The following PCDH15 variants were observed in gnomAD, a reference collection of about 807,000 sequenced individuals.
PCDH15 encodes protocadherin related 15.
A neutral mutation model predicts 178.5 loss-of-function variants in PCDH15; 129 were observed. That is an observed-to-expected ratio of 0.72 (90% CI 0.63 to 0.84). The LOEUF (loss-of-function observed/expected upper bound fraction) is 0.84. Ranked by LOEUF, PCDH15 falls within the 40% of genes least tolerant of loss-of-function variation. The probability of loss-of-function intolerance (pLI) is 0.00; values close to 1 mark genes in which losing one functional copy is unlikely to be tolerated. For synonymous variants in PCDH15, 800 were observed against 732.0 expected (o/e 1.09, Z -1.50); for missense variants, 2,230 against 2,099.9 (o/e 1.06, Z -1.21).
intron 8 of PCDH15, among the ~76,000 whole-genome samples, chr10:54,241,387 G>A (rs989938177): frequency 2.0e-5 from 3 of 152,186 alleles, no homozygotes; most frequent in Non-Finnish European, 2.9e-5. Context: ...GTATCAAAAT[G>A]TTCCTCTATT....
chr10:53,893,552 C>T (rs1437343511), intron 26 of PCDH15, among the ~76,000 whole-genome samples: 7 of 152,138 alleles, frequency 4.6e-5, no homozygotes, highest in African/African-American at 1.7e-4. Flanking sequence ...GCCTAAATGC[C>T]CATCAACCAA....
At chr10:54,100,089 C>G (rs1405821183) in intron 15 of PCDH15, among the ~76,000 whole-genome samples, 2 of 152,042 alleles carry the variant, frequency 1.3e-5, no homozygotes, top group Non-Finnish European at 2.9e-5. Flanking sequence ...GCTCAGTGGT[C>G]GGGCATGGTG....
chr10:55,526,656 C>A (rs993728424), intron 2 of PCDH15, among the ~76,000 whole-genome samples: 1 of 152,030 alleles, frequency 6.6e-6, no homozygotes, highest in Non-Finnish European at 1.5e-5. Flanking sequence ...GATTTGGGGT[C>A]TTTGACAGAC....
chr10:54,933,656 C>G (rs981750877), intron 2 of PCDH15, among the ~76,000 whole-genome samples: 2 of 151,988 alleles, frequency 1.3e-5, no homozygotes, highest in Non-Finnish European at 2.9e-5. Context: ...CATTTCCCAC[C>G]AAGAAAACCT....
chr10:54,888,279 G>T (rs1019876411), intron 3 of PCDH15, among the ~76,000 whole-genome samples: 1 of 151,926 alleles, frequency 6.6e-6, no homozygotes, highest in African/African-American at 2.4e-5. Context: ...ATATTTGTGG[G>T]CTCATAGAGC....
In PCDH15 at chr10:55,063,897, C is replaced by A. The variant is rs573640776; in HGVS notation, c.-80+102679G>T. ...ACTAGTAGAAAGTATGCTGTTTATC[C>A]TGTGATAAAGGCTGTTGGCTTGAAT... On this transcript the variant is annotated intron_variant, in intron 2 of 5. Transcript: ENST00000458638. 2.0e-5 allele frequency among the ~76,000 whole-genome samples: 3 copies of A among 152,176 alleles called. No homozygotes were observed. The East Asian group carries it at 5.8e-4, about 29-fold the overall frequency.
chr10:53,998,709 G>A (rs1195244477), intron 20 of PCDH15, among the ~76,000 whole-genome samples: 1 of 152,056 alleles, frequency 6.6e-6, no homozygotes, highest in East Asian at 1.9e-4. Context: ...TTTTTATTTA[G>A]AAGATAAGTA....
intron 2 of PCDH15, among the ~76,000 whole-genome samples, chr10:55,163,739 AG>A (rs1172401836): frequency 1.3e-5 from 2 of 152,122 alleles, no homozygotes; most frequent in Admixed American, 6.6e-5. Flanking sequence ...CTCCCACCAG[AG>A]CCATGACAGC....
At chr10:54,305,187 T>C (rs1364351659) in intron 8 of PCDH15, among the ~76,000 whole-genome samples, 2 of 152,068 alleles carry the variant, frequency 1.3e-5, no homozygotes, top group African/African-American at 4.8e-5. Flanking sequence ...GTTAAAACTA[T>C]TAAAATGCAT....
At chr10:55,000,805 C>T (rs2141840) in intron 2 of PCDH15, among the ~76,000 whole-genome samples, 111,048 of 151,700 alleles carry the variant, frequency 0.73, 40,776 homozygotes, top group East Asian at 0.87. Context: ...TCCCTGACTT[C>T]CCACAACAGA....
intron 3 of PCDH15, among the ~76,000 whole-genome samples, chr10:54,491,180 A>G (rs2079552793): frequency 6.6e-6 from 1 of 152,152 alleles, no homozygotes. Context: ...AGAAAAGGGT[A>G]TCTTGTAGGA....
At chr10:54,665,981 T>G (rs1238262230) in intron 1 of PCDH15, among the ~76,000 whole-genome samples, 1 of 152,092 alleles carries the variant, frequency 6.6e-6, no homozygotes, top group Non-Finnish European at 1.5e-5. Flanking sequence ...GCTTTTCAGC[T>G]TACTAGTTAT....
intron 1 of PCDH15, among the ~76,000 whole-genome samples, chr10:55,263,874 A>ACAG (rs1363431832): frequency 1.3e-5 from 2 of 152,056 alleles, no homozygotes; most frequent in Non-Finnish European, 2.9e-5. Flanking sequence ...AGCTGGGACT[A>ACAG]CAGGCACCTG....
At chr10:54,030,784 A>G (rs1023986640) in intron 18 of PCDH15, among the ~76,000 whole-genome samples, 8 of 151,884 alleles carry the variant, frequency 5.3e-5, no homozygotes, top group African/African-American at 1.9e-4. Context: ...CTCTGACACA[A>G]ACTCTGTGTT....
Position 54,866,307 on chromosome 10 carries a change from G to T in PCDH15, c.-29+31143C>A, listed in dbSNP as rs117328296. Among the ~76,000 whole-genome samples the T allele has an allele frequency of 2.0e-3, 308 of 152,154 alleles. 1 individual carries two copies. The highest frequency in any genetic ancestry group is 3.2e-3 in the Non-Finnish European group (221 of 68,010). On this transcript the variant is annotated intron_variant, in intron 3 of 5. Coordinates refer to the PCDH15 transcript ENST00000458638. Reference sequence around the variant, plus strand: ...CAACTATTAAAAGTCTAACCCTTTTGCTAATGAACAGTTCAGGATTGTAAA... The same window carrying T: ...CAACTATTAAAAGTCTAACCCTTTTTCTAATGAACAGTTCAGGATTGTAAA...
At chr10:54,188,963 G>A (rs1228757920) in intron 11 of PCDH15, among the ~76,000 whole-genome samples, 1 of 151,924 alleles carries the variant, frequency 6.6e-6, no homozygotes, top group Non-Finnish European at 1.5e-5. Context: ...TTACTTGGTA[G>A]TAGTTGCCTG....
At chr10:54,528,433 A>C in intron 2 of PCDH15, 1 of 1,549,484 alleles carries the variant, frequency 6.5e-7, no homozygotes, top group Non-Finnish European at 8.8e-7. Flanking sequence ...TCATCAATGG[A>C]AGCAGATCAG....
chr10:55,364,589 C>G (rs182266246), intron 2 of PCDH15, among the ~76,000 whole-genome samples: 39 of 152,210 alleles, frequency 2.6e-4, no homozygotes, highest in Non-Finnish European at 4.4e-4. Context: ...TTCACAGAGG[C>G]ACATGGCTAT....
rs1169302544 is a variant in PCDH15, at chr10:54,174,702, C to CTTTTTTTTTTTTTTTTTTTTTT, written c.1590+8741_1590+8742insAAAAAAAAAAAAAAAAAAAAAA. On this transcript the variant is annotated intron_variant, in intron 13 of 37. Transcript: ENST00000644397. ...CTTCTTTCTTTTTTCTTTTTCTTTTCTTTTTTTTTTTTTTTTTTTTTGAGA... is the reference window on the plus strand; with the variant it reads ...CTTCTTTCTTTTTTCTTTTTCTTTTCTTTTTTTTTTTTTTTTTTTTTTTTTTTTTTTTTTTTTTTTTTTGAGA... Among the ~76,000 whole-genome samples the CTTTTTTTTTTTTTTTTTTTTTT allele has an allele frequency of 7.6e-4, 64 of 84,052 alleles. 1 individual carries two copies. The highest frequency in any genetic ancestry group is 1.4e-3 in the South Asian group (3 of 2,216). 55.1% of individuals were successfully genotyped at this position (84,052 alleles called of 152,430 possible).
Sources: allele counts gnomAD v4.1 joint callset (sites outside exome capture counted in the v4.1 genomes callset), GRCh38; gene constraint gnomAD v4.1.1; transcripts MANE v1.5; gene names NCBI Gene and HGNC (gene_info 2026-07-23, HGNC 2026-07-21).